Variants in EXOC6B observed in about 807,000 individuals in gnomAD.
EXOC6B encodes the protein SEC15 homolog B.
In EXOC6B, 54 loss-of-function variants were observed where a neutral mutation model predicts 113.5. The observed-to-expected ratio is 0.48, with a 90% CI of 0.38 to 0.60. The LOEUF (loss-of-function observed/expected upper bound fraction) is 0.60. Among genes scored for constraint, EXOC6B ranks in the 20% least tolerant of loss-of-function variants. The pLI, the probability that EXOC6B is intolerant of heterozygous loss-of-function variation, is 0.00. For synonymous variants in EXOC6B, 357 were observed against 339.0 expected (o/e 1.05, Z -0.58); for missense variants, 797 against 977.5 (o/e 0.82, Z 2.46).
chr2:72,306,698 C>T (rs1686880095), intron 20 of EXOC6B, among the ~76,000 whole-genome samples: 1 of 152,206 alleles, frequency 6.6e-6, no homozygotes, highest in East Asian at 1.9e-4. Context: ...TCGTTGTATA[C>T]TGCTAAACTA....
At chr2:72,766,653 T>C (rs962695440) in intron 1 of EXOC6B, among the ~76,000 whole-genome samples, 1 of 151,876 alleles carries the variant, frequency 6.6e-6, no homozygotes, top group Non-Finnish European at 1.5e-5. Flanking sequence ...AATAAGTCAA[T>C]TGAAAAAATC....
chr2:72,427,404 G>A (rs949096604), intron 18 of EXOC6B, among the ~76,000 whole-genome samples: 6 of 152,122 alleles, frequency 3.9e-5, no homozygotes, highest in African/African-American at 1.2e-4. Flanking sequence ...CACTGCCCCC[G>A]CAGCCTCAGG....
intron 1 of EXOC6B, among the ~76,000 whole-genome samples, chr2:72,776,357 C>T (rs58890506): frequency 0.27 from 41,799 of 152,054 alleles, 7,510 homozygotes; most frequent in African/African-American, 0.5. Flanking sequence ...TGGCTCACGC[C>T]TATAATCCCA....
intron 8 of EXOC6B, among the ~76,000 whole-genome samples, chr2:72,521,117 T>C (rs555323016): frequency 6.6e-6 from 1 of 152,276 alleles, no homozygotes; most frequent in African/African-American, 2.4e-5. Flanking sequence ...CCCTCATGAA[T>C]GGAATTGGGA....
intron 8 of EXOC6B, among the ~76,000 whole-genome samples, chr2:72,545,331 G>C (rs750198466): frequency 8.6e-5 from 13 of 151,714 alleles, no homozygotes; most frequent in Non-Finnish European, 1.6e-4. Flanking sequence ...AAAAATGTTT[G>C]ACTACATTTT....
At chr2:72,504,297 C>G (rs1330392019) in intron 11 of EXOC6B, among the ~76,000 whole-genome samples, 1 of 152,132 alleles carries the variant, frequency 6.6e-6, no homozygotes, top group Non-Finnish European at 1.5e-5. Context: ...TTCTCTCAGT[C>G]TGTAGCTAGT....
chr2:72,699,083 A>G (rs1428518130), intron 6 of EXOC6B, among the ~76,000 whole-genome samples: 1 of 152,222 alleles, frequency 6.6e-6, no homozygotes, highest in Non-Finnish European at 1.5e-5. Flanking sequence ...GTTTCACTAC[A>G]TTCTCAAAAA....
intron 1 of EXOC6B, among the ~76,000 whole-genome samples, chr2:72,772,493 GC>G (rs34107419): frequency 6.6e-6 from 1 of 152,140 alleles, no homozygotes; most frequent in African/African-American, 2.4e-5. Context: ...CGCCAAGACT[GC>G]CCCATTGCCA....
Position 72,425,362 on chromosome 2 carries a change from AT to A in EXOC6B, c.1980+39797del, listed in dbSNP as rs777383875. ...CTATAAGATGCTTTGTTAGTTTTAA[AT>A]GATCTTGAAAGAAAATATGGTGCCA... On this transcript the variant is annotated intron_variant, in intron 18 of 21. Coordinates refer to ENST00000272427, the MANE Select transcript of EXOC6B (RefSeq NM_015189.3). 9.9e-4 allele frequency among the ~76,000 whole-genome samples: 151 copies of A among 152,210 alleles called. 1 individual carries two copies. The highest frequency in any genetic ancestry group is 3.8e-4 in the Non-Finnish European group (26 of 68,016).
intron 6 of EXOC6B, among the ~76,000 whole-genome samples, chr2:72,657,634 A>G (rs1674693284): frequency 9.0e-6 from 1 of 110,722 alleles, no homozygotes; most frequent in Non-Finnish European, 1.7e-5. Flanking sequence ...GAATATGGGT[A>G]GGACAACTGA....
chr2:72,529,919 T>G (rs1304805955), intron 8 of EXOC6B, among the ~76,000 whole-genome samples: 2 of 152,230 alleles, frequency 1.3e-5, no homozygotes, highest in African/African-American at 4.8e-5. Flanking sequence ...TGTAGAGTTG[T>G]TCACAGTGTT....
chr2:72,487,918 CTACCCTATACT>C (rs1699524701), intron 16 of EXOC6B, among the ~76,000 whole-genome samples: 1 of 152,164 alleles, frequency 6.6e-6, no homozygotes, highest in African/African-American at 2.4e-5. Flanking sequence ...TTTCCTCATT[CTACCCTATACT>C]TTTTGGAAAC....
At chr2:72,405,408 A>G (rs1693668308) in intron 18 of EXOC6B, among the ~76,000 whole-genome samples, 3 of 152,194 alleles carry the variant, frequency 2.0e-5, no homozygotes, top group Admixed American at 2.0e-4. Flanking sequence ...TGTCAGATTC[A>G]CCGAAGTTCA....
At chr2:72,441,536 A>G (rs964309362) in intron 18 of EXOC6B, among the ~76,000 whole-genome samples, 2 of 152,144 alleles carry the variant, frequency 1.3e-5, no homozygotes, top group African/African-American at 4.8e-5. Context: ...TCAAATAAAC[A>G]CAATCAGAAA....
intron 14 of EXOC6B, 107 bp from the exon 15 acceptor site, chr2:72,495,646 T>G: frequency 3.1e-6 from 2 of 654,534 alleles, no homozygotes; most frequent in Non-Finnish European, 5.3e-6. Context: ...TTGTGAATTG[T>G]CTCCTTAACA....
At chr2:72,465,546 G>C (rs372440523) in intron 17 of EXOC6B, among the ~76,000 whole-genome samples, 1 of 152,056 alleles carries the variant, frequency 6.6e-6, no homozygotes, top group African/African-American at 2.4e-5. Context: ...CATCCTAAGA[G>C]ATGCTAAAAT....
At chr2:72,755,759 T>C (rs1278405121) in intron 1 of EXOC6B, among the ~76,000 whole-genome samples, 1 of 152,164 alleles carries the variant, frequency 6.6e-6, no homozygotes, top group East Asian at 1.9e-4. Flanking sequence ...AGAAGGAAGA[T>C]GATTAAACTG....
chr2:72,271,075 C>T (rs951978060), intron 20 of EXOC6B, among the ~76,000 whole-genome samples: 2 of 152,100 alleles, frequency 1.3e-5, no homozygotes, highest in African/African-American at 2.4e-5. Flanking sequence ...AGAGACAGTG[C>T]CTATTGTTTT....
chr2:72,454,906 C>G (rs1235993356), intron 18 of EXOC6B, among the ~76,000 whole-genome samples: 1 of 152,182 alleles, frequency 6.6e-6, no homozygotes, highest in Non-Finnish European at 1.5e-5. Flanking sequence ...CCCAATACCA[C>G]ATTGATAAGA....
Sources: allele counts gnomAD v4.1 joint callset (sites outside exome capture counted in the v4.1 genomes callset), GRCh38; gene constraint gnomAD v4.1.1; transcripts MANE v1.5; gene names NCBI Gene and HGNC (gene_info 2026-07-23, HGNC 2026-07-21).